The following RUSF1 variants were observed in gnomAD, a reference collection of about 807,000 sequenced individuals.
RUSF1 encodes RUS1 family protein C16orf58.
RUSF1 carries 58 observed loss-of-function variants against 63.0 expected under a neutral mutation model. That is an observed-to-expected ratio of 0.92 (90% confidence interval 0.75 to 1.15). The LOEUF (loss-of-function observed/expected upper bound fraction) is 1.15, where lower values mean the gene tolerates loss of function less well. Ranked by LOEUF, RUSF1 falls within the 50% of genes most tolerant of loss-of-function variation. The pLI, the probability that RUSF1 is intolerant of heterozygous loss-of-function variation, is 0.00. For synonymous variants in RUSF1, 274 were observed against 255.8 expected (o/e 1.07, Z -0.68); for missense variants, 652 against 611.0 (o/e 1.07, Z -0.71).
intron 6 of RUSF1, 92 bp downstream of exon 6, chr16:31,496,757 C>T (rs1001270767): frequency 9.1e-7 from 1 of 1,101,842 alleles, no homozygotes; most frequent in East Asian, 2.9e-5. Flanking sequence ...CATACTTCTT[C>T]CTGTGTGTTC....
chr16:31,495,125 G>A (rs2082595150), intron 6 of RUSF1, among the ~76,000 whole-genome samples: 1 of 152,264 alleles, frequency 6.6e-6, no homozygotes, highest in South Asian at 2.1e-4. Flanking sequence ...AATGTTAGGA[G>A]AACACTCTGA....
Position 31,493,988 on chromosome 16 carries a change from C to T in RUSF1, c.703-52G>A, listed in dbSNP as rs944607307. 3.2e-6 allele frequency: 5 copies of T among 1,581,346 alleles called. No individual in the cohort carries two copies. The African/African-American group carries it at 6.7e-5, about 21-fold the overall frequency. ...TTGGAAGGTGCCCCTCCAGGCCAGA[C>T]TGAGTGCCCGAGTGCCTTTCACCTC... On this transcript the variant is annotated intron_variant, in intron 6 of 12. Transcript: ENST00000327237.
At chr16:31,504,292 A>G (rs1179766793) in intron 2 of RUSF1, among the ~76,000 whole-genome samples, 2 of 151,216 alleles carry the variant, frequency 1.3e-5, no homozygotes, top group Non-Finnish European at 3.0e-5. Flanking sequence ...TGTTTCAGAC[A>G]GGATACTGCT....
chr16:31,490,108 A>G lies in RUSF1; in HGVS notation c.*727T>C. On this transcript the variant is annotated 3_prime_UTR_variant, in exon 13 of 13. Coordinates refer to ENST00000327237, the MANE Select transcript of RUSF1 (RefSeq NM_022744.4). ...TCGTGCTCCCACCCTCCCCAGCTCC[A>G]CCGCCTGGTCTTCAGTCTCCGGCAT... 1.2e-6 allele frequency: 2 copies of G among 1,613,760 alleles called. No homozygotes were observed. Among genetic ancestry groups the G allele is most frequent in the Non-Finnish European group, 1.7e-6 (2 of 1,179,998 alleles).
At chr16:31,499,597 T>C (rs1163702541) in intron 3 of RUSF1, 72 bp from the exon 4 acceptor site, 1 of 1,431,028 alleles carries the variant, frequency 7.0e-7, no homozygotes, top group African/African-American at 1.4e-5. Flanking sequence ...GTGGGGAGTC[T>C]TGGACCACAG....
Position 31,492,243 on chromosome 16 carries a change from T to A in RUSF1, c.1185A>T (p.Gly395=). Residue 395 remains glycine, a synonymous_variant, in exon 11 of 13, where the codon GGA becomes GGT. Transcript: ENST00000327237. ...GLMLGALQGD[G]PLPAELEELR... is the part of the protein sequence containing the mutation. ...GCTCCTCCAGCTCTGCTGGAAGGGG[T>A]CCATCTCCCTGCAGGGCCCCAAGCA... The A allele has an allele frequency of 6.2e-7, 1 of 1,613,052 alleles. No individual in the cohort carries two copies. Among genetic ancestry groups the A allele is most frequent in the Non-Finnish European group, 8.5e-7 (1 of 1,179,548 alleles).
At chr16:31,507,416 T>C (rs558868380) in intron 2 of RUSF1, among the ~76,000 whole-genome samples, 1 of 152,320 alleles carries the variant, frequency 6.6e-6, no homozygotes, top group Non-Finnish European at 1.5e-5. Flanking sequence ...AGCTCACCAA[T>C]TTCCCCTATC....
chr16:31,494,101 A>G (rs1408084136), intron 6 of RUSF1, among the ~76,000 whole-genome samples, 165 bp from the exon 7 acceptor site: 1 of 152,190 alleles, frequency 6.6e-6, no homozygotes, highest in Admixed American at 6.5e-5. Flanking sequence ...CATTTAAAAG[A>G]TGCCAGCTCG....
intron 6 of RUSF1, 62 bp downstream of exon 6, chr16:31,496,787 C>G: frequency 7.1e-7 from 1 of 1,399,294 alleles, no homozygotes; most frequent in South Asian, 1.4e-5. Flanking sequence ...CCAGGGCACT[C>G]AAGTGGCTTC....
At chr16:31,506,915 G>A (rs138414735) in intron 2 of RUSF1, among the ~76,000 whole-genome samples, 227 of 152,304 alleles carry the variant, frequency 1.5e-3, no homozygotes, top group Non-Finnish European at 2.8e-3. Context: ...AATGGTAAAG[G>A]TGTAAACAGG....
intron 1 of RUSF1, 78 bp downstream of exon 1, chr16:31,507,996 C>T: frequency 6.5e-7 from 1 of 1,542,956 alleles, no homozygotes. Flanking sequence ...CCCCGGGCTC[C>T]GAGTCTCAGT....
chr16:31,497,988 A>C (rs1460750854), intron 5 of RUSF1, among the ~76,000 whole-genome samples: 1 of 152,224 alleles, frequency 6.6e-6, no homozygotes, highest in East Asian at 1.9e-4. Flanking sequence ...CTCTCTCAGC[A>C]GTGAGAGGTG....
Position 31,493,853 on chromosome 16 carries a change from G to A in RUSF1, c.773+13C>T. 1 of 1,614,222 alleles carries A rather than the reference G, an allele frequency of 6.2e-7. No homozygotes were observed. ...CAGCTGGGGTTCTCCTGCCCACCCTGCTTCCGGCTTACCCAGGGCAACCTG... is the reference window on the plus strand; with the variant it reads ...CAGCTGGGGTTCTCCTGCCCACCCTACTTCCGGCTTACCCAGGGCAACCTG... On this transcript the variant is annotated intron_variant, in intron 7 of 12. Transcript: ENST00000327237.
intron 6 of RUSF1, 85 bp downstream of exon 6, chr16:31,496,764 G>A (rs2082605396): frequency 8.4e-7 from 1 of 1,187,230 alleles, no homozygotes; most frequent in South Asian, 1.6e-5. Flanking sequence ...CTTCCTGTGT[G>A]TTCCTGGGCC....
At chr16:31,493,428 G>A (rs1314326284) in intron 9 of RUSF1, 39 bp downstream of exon 9, 1 of 1,560,824 alleles carries the variant, frequency 6.4e-7, no homozygotes, top group East Asian at 2.4e-5. Context: ...GGGAGTGTGG[G>A]TGGCGGTGGT....
At chr16:31,500,305 C>T (rs2082626132) in intron 3 of RUSF1, among the ~76,000 whole-genome samples, 1 of 152,218 alleles carries the variant, frequency 6.6e-6, no homozygotes, top group African/African-American at 2.4e-5. Context: ...GGGTTCTGCC[C>T]AGTGAACTGC....
rs558942735 is a variant in RUSF1, at chr16:31,491,334, T to G, written c.1310-402A>C. 3.9e-5 allele frequency among the ~76,000 whole-genome samples: 6 copies of G among 152,222 alleles called. No individual in the cohort carries two copies. The East Asian group carries it at 1.2e-3, about 29-fold the overall frequency. ...ATTGCAGAGAGAATCCATCTTTTTTTTTTTTTTGAGATGGGGTCTCTGTCA... is the reference window on the plus strand; with the variant it reads ...ATTGCAGAGAGAATCCATCTTTTTTGTTTTTTTGAGATGGGGTCTCTGTCA... On this transcript the variant is annotated intron_variant, in intron 12 of 12. Transcript: ENST00000327237.
At chr16:31,497,099 C>T in intron 5 of RUSF1, 149 bp from the exon 6 acceptor site, 2 of 597,228 alleles carry the variant, frequency 3.3e-6, no homozygotes, top group South Asian at 4.3e-5. Flanking sequence ...CTAGGCTCAA[C>T]TTCCCTGTCC....
chr16:31,504,914 T>C, intron 2 of RUSF1, among the ~76,000 whole-genome samples: 1 of 152,186 alleles, frequency 6.6e-6, no homozygotes, highest in East Asian at 1.9e-4. Context: ...TAACAATATG[T>C]TTACAGGCAG....
Sources: allele counts gnomAD v4.1 joint callset (sites outside exome capture counted in the v4.1 genomes callset), GRCh38; gene constraint gnomAD v4.1.1; transcripts MANE v1.5; gene names NCBI Gene and HGNC (gene_info 2026-07-23, HGNC 2026-07-21).